The following PSME3IP1 variants were observed in gnomAD, a reference collection of about 807,000 sequenced individuals.
The protein encoded by PSME3IP1 is PSME3-interacting protein.
In PSME3IP1, 13 loss-of-function variants were observed where a neutral mutation model predicts 34.1. The ratio of observed to expected loss-of-function variants is 0.38; its 90% CI spans 0.25 to 0.61. PSME3IP1 has a LOEUF of 0.61. Among genes scored for constraint, PSME3IP1 ranks in the 20% least tolerant of loss-of-function variants. The pLI is 0.60. For missense variants in PSME3IP1, 237 were observed against 301.4 expected (o/e 0.79, Z 1.58); for synonymous variants, 93 against 114.3 (o/e 0.81, Z 1.19).
At chr16:57,157,588 T>G (rs2070707847) in intron 6 of PSME3IP1, among the ~76,000 whole-genome samples, 1 of 151,794 alleles carries the variant, frequency 6.6e-6, no homozygotes. Flanking sequence ...CACATTCTTT[T>G]GTCCCTTTTG....
intron 1 of PSME3IP1, among the ~76,000 whole-genome samples, chr16:57,176,133 A>G (rs2073150479): frequency 6.6e-6 from 1 of 152,196 alleles, no homozygotes; most frequent in South Asian, 2.1e-4. Flanking sequence ...AAAATTCCTC[A>G]AGTTCTACAG....
intron 6 of PSME3IP1, 90 bp downstream of exon 6, chr16:57,163,911 G>A (rs959502457): frequency 8.0e-7 from 1 of 1,257,034 alleles, no homozygotes; most frequent in South Asian, 1.2e-5. Context: ...AGACAGAAAT[G>A]CATTCATTTG....
intron 5 of PSME3IP1, among the ~76,000 whole-genome samples, chr16:57,164,724 G>A (rs1355868269): frequency 3.9e-5 from 6 of 152,190 alleles, no homozygotes; most frequent in African/African-American, 1.4e-4. Flanking sequence ...GTACACAGCA[G>A]GTTCCATTTA....
Position 57,153,219 on chromosome 16 carries a change from A to G in PSME3IP1, c.*1071T>C, listed in dbSNP as rs2145319704. The G allele has an allele frequency of 6.6e-6, 1 of 152,396 alleles. No individual in the cohort carries two copies. Among genetic ancestry groups the G allele is most frequent in the East Asian group, 1.9e-4 (1 of 5,184 alleles). The allele number at this position is 152,396 out of a possible 1,614,324, so 9.4% of individuals were successfully genotyped here. On this transcript the variant is annotated 3_prime_UTR_variant, in exon 7 of 7. Transcript: ENST00000309137. ...CCTTTATGAGACGAGGTGGAGCAGT[A>G]CCTCTAGTTTTTGGCTGCTCATGGC...
intron 5 of PSME3IP1, among the ~76,000 whole-genome samples, chr16:57,166,514 A>C (rs2071889191): frequency 6.6e-6 from 1 of 152,178 alleles, no homozygotes; most frequent in Admixed American, 6.5e-5. Context: ...TCAAAGCCCT[A>C]GTTGTCCTAC....
rs116573186 is a variant in PSME3IP1, at chr16:57,154,158, T to A, written c.*132A>T. 1.0e-3 allele frequency: 748 copies of A among 718,950 alleles called. 9 individuals carry two copies. The African/African-American group carries it at 0.012, about 11-fold the overall frequency. 44.5% of individuals were successfully genotyped at this position (718,950 alleles called of 1,614,324 possible). A position where few individuals can be genotyped will look rare whatever the true frequency, so the allele number is the denominator to read the frequency against. On this transcript the variant is annotated 3_prime_UTR_variant, in exon 7 of 7. Transcript: ENST00000309137. The surrounding 1 kb of genome is among the most constrained non-coding windows in gnomAD (Gnocchi z 4.0). ...GATTCTGGCACATTTTTAGATTGGA[T>A]TGGTTAAAAATGTCATGTTGTACAC... is the stretch of plus-strand genomic sequence containing the variant.
intron 6 of PSME3IP1, among the ~76,000 whole-genome samples, chr16:57,161,941 G>GTTTTGAGACAGAGTC (rs1283477124): frequency 1.3e-5 from 2 of 152,120 alleles, no homozygotes; most frequent in African/African-American, 4.8e-5. Flanking sequence ...TCTCGCTCTT[G>GTTTTGAGACAGAGTC]TTGCCCAGGC....
At chr16:57,161,027 C>T (rs2071163830) in intron 6 of PSME3IP1, among the ~76,000 whole-genome samples, 1 of 152,198 alleles carries the variant, frequency 6.6e-6, no homozygotes, top group South Asian at 2.1e-4. Context: ...AAAGGAAGAA[C>T]TTACAGATTA....
chr16:57,172,454 G>A lies in PSME3IP1; in HGVS notation c.227-82C>T. Reference sequence around the variant, plus strand: ...TTCCTTTCCCCTTTTTAAATAAGCAGCAGATTCTTCAGGGGATTAAAAAAA... The same window carrying A: ...TTCCTTTCCCCTTTTTAAATAAGCAACAGATTCTTCAGGGGATTAAAAAAA... On this transcript the variant is annotated intron_variant, in intron 3 of 6. Coordinates refer to ENST00000309137, the MANE Select transcript of PSME3IP1 (RefSeq NM_024946.4). The A allele has an allele frequency of 3.4e-6, 5 of 1,452,148 alleles. No individual in the cohort carries two copies. The South Asian group carries it at 6.3e-5, about 18-fold the overall frequency. The allele number at this position is 1,452,148 out of a possible 1,614,324, so 90.0% of individuals were successfully genotyped here.
intron 5 of PSME3IP1, 34 bp downstream of exon 5, chr16:57,167,059 G>A (rs773776611): frequency 1.9e-6 from 3 of 1,611,178 alleles, no homozygotes; most frequent in Non-Finnish European, 2.5e-6. Flanking sequence ...TACACGGTCA[G>A]AGAGAAATCT....
At chr16:57,178,271 C>T (rs920852761) in intron 1 of PSME3IP1, among the ~76,000 whole-genome samples, 54 of 152,288 alleles carry the variant, frequency 3.5e-4, no homozygotes, top group Admixed American at 1.1e-3. Context: ...CTGCTCCAAC[C>T]GCCCAGAATC....
At chr16:57,162,704 T>C (rs1359133016) in intron 6 of PSME3IP1, among the ~76,000 whole-genome samples, 3 of 150,928 alleles carry the variant, frequency 2.0e-5, no homozygotes, top group Non-Finnish European at 3.0e-5. Context: ...GTCTTTCCTG[T>C]AGGAGATACC....
At chr16:57,166,891 T>C (rs2071939818) in intron 5 of PSME3IP1, among the ~76,000 whole-genome samples, 1 of 152,240 alleles carries the variant, frequency 6.6e-6, no homozygotes, top group Admixed American at 6.5e-5. Flanking sequence ...CTATTATTTA[T>C]ATTTGTTGAA....
chr16:57,161,059 T>G (rs1368308984), intron 6 of PSME3IP1, among the ~76,000 whole-genome samples: 2 of 152,062 alleles, frequency 1.3e-5, no homozygotes, highest in African/African-American at 4.8e-5. Flanking sequence ...AAAGGTATAT[T>G]AGCCTACTGC....
chr16:57,170,443 G>A (rs1301949594), intron 4 of PSME3IP1, among the ~76,000 whole-genome samples: 1 of 152,162 alleles, frequency 6.6e-6, no homozygotes, highest in East Asian at 1.9e-4. Flanking sequence ...ATACCAACTA[G>A]TACATATACA....
chr16:57,158,828 T>A (rs1290298496), intron 6 of PSME3IP1, among the ~76,000 whole-genome samples: 1 of 152,208 alleles, frequency 6.6e-6, no homozygotes, highest in Non-Finnish European at 1.5e-5. Context: ...GTAGGCCACA[T>A]GGTATATAGC....
At chr16:57,181,831 A>AG (rs1299778226) in intron 1 of PSME3IP1, 1 of 152,286 alleles carries the variant, frequency 6.6e-6, no homozygotes, top group East Asian at 1.9e-4. Context: ...GCATAGGGCA[A>AG]GGCATGTGGG....
At chr16:57,155,048 C>T (rs1243083572) in intron 6 of PSME3IP1, among the ~76,000 whole-genome samples, 2 of 152,316 alleles carry the variant, frequency 1.3e-5, no homozygotes, top group South Asian at 2.1e-4. Flanking sequence ...TTTAAAAAAT[C>T]GGGTAGCCCC....
intron 1 of PSME3IP1, chr16:57,174,078 G>A (rs574059787): frequency 3.0e-4 from 140 of 465,090 alleles, no homozygotes; most frequent in African/African-American, 2.2e-3. Context: ...CATGGATCAC[G>A]AGGTCAGGAG....
Sources: gnomAD v4.1 joint callset for allele counts (sites outside exome capture counted in the v4.1 genomes callset) on GRCh38, gnomAD v4.1.1 for gene constraint, Gnocchi (gnomAD v3.1) non-coding constraint, MANE v1.5 for transcripts, NCBI Gene and HGNC (gene_info 2026-07-23, HGNC 2026-07-21) for gene names.